The following ACYP2 variants were observed in gnomAD, a reference collection of about 807,000 sequenced individuals.
ACYP2 encodes acylphosphatase-2.
A neutral mutation model predicts 11.2 loss-of-function variants in ACYP2; 12 were observed. The observed-to-expected ratio is 1.08, with a 90% CI of 0.69 to 1.74. The LOEUF is 1.74. Among genes scored for constraint, ACYP2 ranks in the 40% most tolerant of loss-of-function variants. The probability of loss-of-function intolerance (pLI) is 0.00; values close to 1 mark genes in which losing one functional copy is unlikely to be tolerated. For synonymous variants in ACYP2, 43 were observed against 32.2 expected, an observed-to-expected ratio of 1.33 and a Z score of -1.13; for missense variants, 134 against 101.9, an observed-to-expected ratio of 1.31 and a Z score of -1.35.
chr2:54,125,737 C>T (rs943857963), intron 4 of ACYP2, among the ~76,000 whole-genome samples: 1 of 146,146 alleles, frequency 6.8e-6, no homozygotes, highest in Non-Finnish European at 1.5e-5. Flanking sequence ...GGAACAAGAA[C>T]GAGACTATGT....
At chr2:54,301,824 C>T (rs753149215) in intron 6 of ACYP2, among the ~76,000 whole-genome samples, 7 of 152,166 alleles carry the variant, frequency 4.6e-5, no homozygotes, top group African/African-American at 7.2e-5. Flanking sequence ...ACTGCAAAAA[C>T]AGCACTTGAG....
At chr2:54,199,922 A>G (rs1243678037) in intron 6 of ACYP2, among the ~76,000 whole-genome samples, 1 of 152,208 alleles carries the variant, frequency 6.6e-6, no homozygotes, top group African/African-American at 2.4e-5. Flanking sequence ...TCTCTGGACG[A>G]TCCACCAACT....
chr2:54,064,064 G>A (rs1347077167), intron 4 of ACYP2, among the ~76,000 whole-genome samples: 1 of 152,052 alleles, frequency 6.6e-6, no homozygotes, highest in African/African-American at 2.4e-5. Flanking sequence ...GCCCTTGTTA[G>A]TCTTGAACTT....
At chr2:54,232,188 A>C (rs924219552) in intron 6 of ACYP2, among the ~76,000 whole-genome samples, 2 of 152,162 alleles carry the variant, frequency 1.3e-5, no homozygotes, top group Non-Finnish European at 2.9e-5. Context: ...TATCTCTGTG[A>C]TTCTTTTCAC....
At chr2:54,147,151 C>T (rs1448781564) in intron 6 of ACYP2, among the ~76,000 whole-genome samples, 1 of 152,122 alleles carries the variant, frequency 6.6e-6, no homozygotes, top group Non-Finnish European at 1.5e-5. Flanking sequence ...TTCTCTTCTT[C>T]TTTCCATTTT....
intron 4 of ACYP2, among the ~76,000 whole-genome samples, chr2:54,130,958 C>T (rs1242669014): frequency 2.0e-5 from 3 of 152,166 alleles, no homozygotes; most frequent in African/African-American, 7.2e-5. Context: ...CTTATGAACT[C>T]TAATTTATAT....
chr2:54,145,594 G>T (rs1681844024), intron 6 of ACYP2, among the ~76,000 whole-genome samples: 1 of 151,956 alleles, frequency 6.6e-6, no homozygotes, highest in African/African-American at 2.4e-5. Flanking sequence ...AGACATTCTT[G>T]TTTCATATAT....
At chr2:54,021,620 G>T (rs865958311) in intron 2 of ACYP2, among the ~76,000 whole-genome samples, 2 of 152,114 alleles carry the variant, frequency 1.3e-5, no homozygotes, top group Non-Finnish European at 2.9e-5. Flanking sequence ...GCAAAAGTGG[G>T]GTTCCCAGAA....
At chr2:54,031,898 G>GT (rs1279031928) in intron 2 of ACYP2, among the ~76,000 whole-genome samples, 5 of 152,108 alleles carry the variant, frequency 3.3e-5, no homozygotes, top group Admixed American at 2.6e-4. Context: ...ATTTTTTCAT[G>GT]TGTCTTTTGG....
At chr2:54,237,536 T>A (rs566970696) in intron 6 of ACYP2, among the ~76,000 whole-genome samples, 92 of 152,300 alleles carry the variant, frequency 6.0e-4, no homozygotes, top group African/African-American at 1.9e-3. Context: ...TGGTAGAGAA[T>A]TTTAGGTTTA....
intron 4 of ACYP2, among the ~76,000 whole-genome samples, chr2:54,081,919 C>T (rs1462548573): frequency 6.6e-6 from 1 of 152,154 alleles, no homozygotes; most frequent in Non-Finnish European, 1.5e-5. Flanking sequence ...ATGATTAGGC[C>T]ACATGTCTGT....
intron 2 of ACYP2, among the ~76,000 whole-genome samples, chr2:54,004,135 C>A (rs141162828): frequency 1.6e-4 from 25 of 152,068 alleles, no homozygotes; most frequent in Admixed American, 3.9e-4. Flanking sequence ...AGACATGCGC[C>A]GCCATGCCCA....
intron 6 of ACYP2, among the ~76,000 whole-genome samples, chr2:54,148,866 T>G (rs748883469): frequency 2.0e-5 from 3 of 152,236 alleles, no homozygotes; most frequent in Non-Finnish European, 4.4e-5. Context: ...GCAAAAATAG[T>G]TGCAAAGTCA....
chr2:54,280,369 G>T (rs1417101133), intron 6 of ACYP2, among the ~76,000 whole-genome samples: 1 of 152,146 alleles, frequency 6.6e-6, no homozygotes, highest in Non-Finnish European at 1.5e-5. Flanking sequence ...GGAGGTGTGG[G>T]TGGGAAGGGG....
At chr2:54,043,884 C>G (rs556392034) in intron 2 of ACYP2, among the ~76,000 whole-genome samples, 15 of 152,154 alleles carry the variant, frequency 9.9e-5, no homozygotes, top group Non-Finnish European at 1.9e-4. Context: ...ATTCCTCCTC[C>G]TTATCCCAAT....
chr2:54,136,324 G>T (rs962282270), intron 5 of ACYP2, among the ~76,000 whole-genome samples: 1 of 152,048 alleles, frequency 6.6e-6, no homozygotes, highest in Non-Finnish European at 1.5e-5. Flanking sequence ...CTGGCTCCAT[G>T]TTGCTTTTAA....
intron 6 of ACYP2, among the ~76,000 whole-genome samples, chr2:54,141,421 A>C (rs10199041): frequency 0.065 from 9,909 of 152,038 alleles, 509 homozygotes; most frequent in African/African-American, 0.14. Flanking sequence ...CTCCATCTGG[A>C]ATTTGTTTTT....
chr2:54,088,451 C>A (rs960412208), intron 4 of ACYP2, among the ~76,000 whole-genome samples: 1 of 152,194 alleles, frequency 6.6e-6, no homozygotes, highest in African/African-American at 2.4e-5. Flanking sequence ...AGAGAGTCAA[C>A]CTCAGGTGTC....
intron 6 of ACYP2, among the ~76,000 whole-genome samples, chr2:54,140,272 A>C (rs940950451): frequency 2.6e-5 from 4 of 152,164 alleles, no homozygotes; most frequent in African/African-American, 9.7e-5. Context: ...GATTCGAGGG[A>C]GCCTAGAAAA....
Sources: gnomAD v4.1 joint callset for allele counts (sites outside exome capture counted in the v4.1 genomes callset) on GRCh38, gnomAD v4.1.1 for gene constraint, MANE v1.5 for transcripts, NCBI Gene and HGNC (gene_info 2026-07-23, HGNC 2026-07-21) for gene names.